CHODL: variants seen among roughly 807,000 people sequenced by gnomAD.
CHODL encodes chondrolectin.
CHODL carries 29 observed loss-of-function variants against 34.5 expected under a neutral mutation model. The ratio of observed to expected loss-of-function variants is 0.84; its 90% CI spans 0.63 to 1.15. The LOEUF is 1.15. Ranked by LOEUF, CHODL falls within the 50% of genes most tolerant of loss-of-function variation. The pLI is 0.00. For synonymous variants in CHODL, 125 were observed against 116.1 expected (o/e 1.08, Z -0.49); for missense variants, 332 against 332.5 (o/e 1.00, Z 0.01).
At chr21:18,240,907 G>T (rs1218458064), upstream of CHODL, among the ~76,000 whole-genome samples, 1 of 152,054 alleles carries the variant, frequency 6.6e-6, no homozygotes. Context: ...TTAACTTCAA[G>T]TTATAGAAAA....
chr21:18,193,071 T>G (rs1209469932), intron 2 of CHODL, among the ~76,000 whole-genome samples: 1 of 152,084 alleles, frequency 6.6e-6, no homozygotes, highest in Non-Finnish European at 1.5e-5. Context: ...AAAAATATAG[T>G]CAAATGTGAA....
At chr21:18,098,505 A>G (rs779322737) in intron 2 of CHODL, among the ~76,000 whole-genome samples, 3 of 152,116 alleles carry the variant, frequency 2.0e-5, no homozygotes, top group Admixed American at 6.6e-5. Flanking sequence ...CATCAGAGAA[A>G]TGTAAATCAA....
chr21:18,139,698 G>A (rs1319048345), intron 2 of CHODL, among the ~76,000 whole-genome samples: 1 of 152,128 alleles, frequency 6.6e-6, no homozygotes, highest in African/African-American at 2.4e-5. Flanking sequence ...TGCAGGTAAT[G>A]GCAACAAGCT....
intron 2 of CHODL, among the ~76,000 whole-genome samples, chr21:18,108,553 T>C (rs2065303804): frequency 1.3e-5 from 2 of 152,168 alleles, no homozygotes; most frequent in Non-Finnish European, 2.9e-5. Flanking sequence ...GATCTGACAA[T>C]ACAGGTGCAA....
intron 1 of CHODL, among the ~76,000 whole-genome samples, chr21:17,974,926 T>C (rs1482716498): frequency 1.3e-5 from 2 of 148,346 alleles, no homozygotes; most frequent in Non-Finnish European, 3.0e-5. Flanking sequence ...ACTTTATATA[T>C]ATATATAAAA....
intron 4 of CHODL, 96 bp from the exon 5 acceptor site, chr21:18,262,695 C>T (rs1295394528): frequency 4.2e-6 from 3 of 709,752 alleles, no homozygotes; most frequent in East Asian, 2.5e-5. Flanking sequence ...ATTGAAAATT[C>T]TATTTCACCT....
At chr21:18,205,496 A>G (rs1378099672) in intron 2 of CHODL, among the ~76,000 whole-genome samples, 1 of 151,946 alleles carries the variant, frequency 6.6e-6, no homozygotes, top group African/African-American at 2.4e-5. Flanking sequence ...CTTTTCTTCT[A>G]CTAAGTTTGC....
At chr21:18,096,033 T>G (rs2065135669) in intron 2 of CHODL, among the ~76,000 whole-genome samples, 1 of 152,178 alleles carries the variant, frequency 6.6e-6, no homozygotes, top group Admixed American at 6.5e-5. Context: ...GAACATAAAT[T>G]GTGAAGATTT....
intron 1 of CHODL, among the ~76,000 whole-genome samples, chr21:17,923,242 A>G (rs2063196240): frequency 6.7e-6 from 1 of 149,916 alleles, no homozygotes; most frequent in African/African-American, 2.5e-5. Flanking sequence ...AAGCTTTTCC[A>G]TTATTTACAG....
At chr21:17,992,842 C>T (rs1237245940) in intron 1 of CHODL, among the ~76,000 whole-genome samples, 8 of 148,682 alleles carry the variant, frequency 5.4e-5, no homozygotes, top group Admixed American at 2.7e-4. Context: ...TTAGTAGAGA[C>T]GGGGTTTCTC....
intron 1 of CHODL, among the ~76,000 whole-genome samples, chr21:18,010,967 A>G (rs2064013664): frequency 6.6e-6 from 1 of 152,208 alleles, no homozygotes; most frequent in Non-Finnish European, 1.5e-5. Flanking sequence ...ATACTCTTAG[A>G]AGACATTCTT....
intron 2 of CHODL, among the ~76,000 whole-genome samples, chr21:18,096,031 A>G (rs1379828683): frequency 1.3e-5 from 2 of 152,206 alleles, no homozygotes; most frequent in Admixed American, 1.3e-4. Context: ...AAGAACATAA[A>G]TTGTGAAGAT....
chr21:18,056,908 G>A (rs1200692133), intron 2 of CHODL, among the ~76,000 whole-genome samples: 2 of 151,902 alleles, frequency 1.3e-5, no homozygotes, highest in Admixed American at 6.6e-5. Context: ...TTTGTTTCTA[G>A]CTTTCATTTC....
chr21:18,231,028 G>A (rs150498086), intron 2 of CHODL, among the ~76,000 whole-genome samples: 6 of 152,106 alleles, frequency 3.9e-5, no homozygotes, highest in African/African-American at 1.2e-4. Flanking sequence ...CAATGTTTAT[G>A]TAGCCCCGAC....
At chr21:18,256,900 G>A in intron 2 of CHODL, 70 bp from the exon 3 acceptor site, 1 of 1,582,506 alleles carries the variant, frequency 6.3e-7, no homozygotes, top group Admixed American at 1.7e-5. Flanking sequence ...TGTAGAGGAT[G>A]TCAGAGTAGG....
chr21:18,251,691 A>ATATATAAAATAAATATT (rs1568957975), intron 1 of CHODL, among the ~76,000 whole-genome samples: 4 of 100,512 alleles, frequency 4.0e-5, no homozygotes, highest in African/African-American at 1.9e-4. Flanking sequence ...TATAAAATAA[A>ATATATAAAATAAATATT]TATTTTATTT....
rs547217926 is a variant in CHODL, at chr21:18,151,440, C to T, written c.-44-105069C>T. 6.3e-4 allele frequency among the ~76,000 whole-genome samples: 96 copies of T among 152,336 alleles called. 1 individual carries two copies. The South Asian group carries it at 0.018, about 28-fold the overall frequency. ...GCCCAGGGAAGGCATGAAAGCTCTC[C>T]ACCCCTTCCTCCATAACTCACCCTT... is the stretch of plus-strand genomic sequence containing the variant. On this transcript the variant is annotated intron_variant, in intron 2 of 6. Transcript: ENST00000400127.
chr21:18,060,803 T>C (rs2064654015), intron 2 of CHODL, among the ~76,000 whole-genome samples: 1 of 150,630 alleles, frequency 6.6e-6, no homozygotes, highest in African/African-American at 2.4e-5. Flanking sequence ...TGAAATGGAG[T>C]CAACTTGTTT....
In CHODL at chr21:18,093,465, G is replaced by A. The variant is rs959579878; in HGVS notation, c.-45+65494G>A. Among the ~76,000 whole-genome samples, 6 of 151,546 alleles carry A rather than the reference G, an allele frequency of 4.0e-5. No individual in the cohort carries two copies. The East Asian group carries it at 1.2e-3, about 29-fold the overall frequency. ...TAGTATAATACTGTAGTTGTGGTAT[G>A]TAAATTTCTCTTAAGTAGAAAGAAT... On this transcript the variant is annotated intron_variant, in intron 2 of 6. Transcript: ENST00000400127.
Sources: gnomAD v4.1 joint callset for allele counts (sites outside exome capture counted in the v4.1 genomes callset) on GRCh38, gnomAD v4.1.1 for gene constraint, MANE v1.5 for transcripts, NCBI Gene and HGNC (gene_info 2026-07-23, HGNC 2026-07-21) for gene names.